The following LRRTM4 variants were observed in gnomAD, a reference collection of about 807,000 sequenced individuals.
LRRTM4 encodes the protein leucine rich repeat transmembrane neuronal 4.
A neutral mutation model predicts 47.6 loss-of-function variants in LRRTM4; 25 were observed. The ratio of observed to expected loss-of-function variants is 0.53; its 90% CI spans 0.38 to 0.73. LRRTM4 has a LOEUF of 0.73. Among genes scored for constraint, LRRTM4 ranks in the 30% least tolerant of loss-of-function variants. LRRTM4 has a pLI of 0.00. For missense variants in LRRTM4, 638 were observed against 713.4 expected, an observed-to-expected ratio of 0.89 and a Z score of 1.20; for synonymous variants, 311 against 269.5, an observed-to-expected ratio of 1.15 and a Z score of -1.51.
chr2:76,909,792 T>A (rs568048538), intron 3 of LRRTM4, among the ~76,000 whole-genome samples: 1 of 152,206 alleles, frequency 6.6e-6, no homozygotes, highest in Non-Finnish European at 1.5e-5. Context: ...AAAACCACAG[T>A]GAGATATCAT....
At chr2:76,776,082 T>C (rs879116324) in intron 3 of LRRTM4, among the ~76,000 whole-genome samples, 2 of 152,048 alleles carry the variant, frequency 1.3e-5, no homozygotes, top group African/African-American at 4.8e-5. Context: ...ACAAAGGACA[T>C]GAACTCATCA....
intron 3 of LRRTM4, among the ~76,000 whole-genome samples, chr2:77,156,187 A>G (rs935070722): frequency 2.6e-5 from 4 of 152,090 alleles, no homozygotes; most frequent in Admixed American, 6.6e-5. Context: ...TATAAACACC[A>G]TGAAAACTCT....
At chr2:77,405,315 T>C (rs1674139514) in intron 3 of LRRTM4, among the ~76,000 whole-genome samples, 1 of 151,970 alleles carries the variant, frequency 6.6e-6, no homozygotes, top group Admixed American at 6.6e-5. Context: ...CAACCAAAAC[T>C]GAAGTGGGGG....
chr2:77,387,909 T>C (rs1354867427), intron 3 of LRRTM4, among the ~76,000 whole-genome samples: 3 of 152,078 alleles, frequency 2.0e-5, no homozygotes, highest in Non-Finnish European at 2.9e-5. Flanking sequence ...TTCCACTTCA[T>C]TGATAGTAAA....
At chr2:77,190,671 T>A (rs1673643927) in intron 3 of LRRTM4, among the ~76,000 whole-genome samples, 1 of 152,174 alleles carries the variant, frequency 6.6e-6, no homozygotes, top group Non-Finnish European at 1.5e-5. Context: ...GGCCATGCAT[T>A]CTTTCATTAA....
intron 3 of LRRTM4, among the ~76,000 whole-genome samples, chr2:77,263,475 G>A (rs1675971131): frequency 6.6e-6 from 1 of 152,072 alleles, no homozygotes; most frequent in African/African-American, 2.4e-5. Context: ...GGGGTATCTT[G>A]TGAATCTGAG....
intron 3 of LRRTM4, among the ~76,000 whole-genome samples, chr2:76,990,265 A>G (rs995706866): frequency 5.9e-5 from 9 of 151,838 alleles, no homozygotes; most frequent in African/African-American, 2.2e-4. Flanking sequence ...CTACAAAATG[A>G]CCAGCTAACA....
At chr2:77,062,710 C>A (rs1679825849) in intron 3 of LRRTM4, among the ~76,000 whole-genome samples, 1 of 151,980 alleles carries the variant, frequency 6.6e-6, no homozygotes, top group South Asian at 2.1e-4. Context: ...ATAACATATT[C>A]TTTAATTTTC....
chr2:77,311,036 T>A (rs1011301967), intron 3 of LRRTM4, among the ~76,000 whole-genome samples: 8 of 151,316 alleles, frequency 5.3e-5, no homozygotes, highest in South Asian at 2.1e-4. Context: ...TGTGTGTGTG[T>A]GAGAGATATT....
At chr2:77,460,063 G>GT (rs35487208) in intron 3 of LRRTM4, among the ~76,000 whole-genome samples, 25,704 of 151,986 alleles carry the variant, frequency 0.17, 2,256 homozygotes, top group South Asian at 0.3. Flanking sequence ...AGAATTCCAT[G>GT]CTGCATTCAC....
intron 3 of LRRTM4, among the ~76,000 whole-genome samples, chr2:77,292,860 AAAAAT>A (rs1215153301): frequency 2.0e-5 from 3 of 149,908 alleles, no homozygotes; most frequent in Admixed American, 6.6e-5. Context: ...TAATAAAATT[AAAAAT>A]AAAATAAAAT....
At chr2:76,836,569 AAC>A (rs1421802031) in intron 3 of LRRTM4, among the ~76,000 whole-genome samples, 6 of 152,094 alleles carry the variant, frequency 3.9e-5, no homozygotes, top group African/African-American at 1.4e-4. Context: ...GATGATAATT[AAC>A]AGTTAATGAA....
chr2:77,385,789 C>A (rs1239730211), intron 3 of LRRTM4, among the ~76,000 whole-genome samples: 1 of 140,166 alleles, frequency 7.1e-6, no homozygotes, highest in African/African-American at 2.7e-5. Flanking sequence ...ACTCTGTCAC[C>A]CAGGCTGGAG....
intron 3 of LRRTM4, among the ~76,000 whole-genome samples, chr2:76,820,589 T>C (rs192804302): frequency 6.6e-6 from 1 of 151,882 alleles, no homozygotes; most frequent in African/African-American, 2.4e-5. Context: ...GTTGTTAATC[T>C]TGAAGGAATT....
intron 3 of LRRTM4, among the ~76,000 whole-genome samples, chr2:76,960,929 G>C (rs1675836506): frequency 6.6e-6 from 1 of 151,350 alleles, no homozygotes; most frequent in South Asian, 2.1e-4. Flanking sequence ...ATAATACACT[G>C]TGCTACCAAT....
intron 3 of LRRTM4, among the ~76,000 whole-genome samples, chr2:76,878,119 C>A (rs770944304): frequency 6.6e-6 from 1 of 152,120 alleles, no homozygotes; most frequent in African/African-American, 2.4e-5. Context: ...TTCAATTTTT[C>A]ATTGTTATTA....
At chr2:77,515,362 C>T (rs1679167897) in intron 3 of LRRTM4, among the ~76,000 whole-genome samples, 1 of 151,658 alleles carries the variant, frequency 6.6e-6, no homozygotes. Flanking sequence ...TGTGGAGGCT[C>T]ACAAACGCCA....
At chr2:77,086,043 T>G (rs1019422278) in intron 3 of LRRTM4, among the ~76,000 whole-genome samples, 1 of 152,160 alleles carries the variant, frequency 6.6e-6, no homozygotes, top group Non-Finnish European at 1.5e-5. Context: ...TTTAAAAATA[T>G]CCTATGAAAG....
intron 3 of LRRTM4, among the ~76,000 whole-genome samples, chr2:76,806,720 A>AT (rs1170837649): frequency 1.3e-5 from 2 of 152,182 alleles, no homozygotes; most frequent in African/African-American, 4.8e-5. Flanking sequence ...TAAAATCTAC[A>AT]TTTTAGAATG....
Sources: allele counts gnomAD v4.1 joint callset (sites outside exome capture counted in the v4.1 genomes callset), GRCh38; gene constraint gnomAD v4.1.1; transcripts MANE v1.5; gene names NCBI Gene and HGNC (gene_info 2026-07-23, HGNC 2026-07-21).